Variants in PCDHA9 observed in about 807,000 individuals in gnomAD.
PCDHA9 encodes the protein protocadherin alpha-9.
PCDHA9 carries 62 observed loss-of-function variants against 62.0 expected under a neutral mutation model. The observed-to-expected ratio is 1.00, with a 90% CI of 0.81 to 1.23. PCDHA9 has a LOEUF of 1.23. Ranked by LOEUF, PCDHA9 falls within the 50% of genes most tolerant of loss-of-function variation. The pLI is 0.00. For synonymous variants in PCDHA9, 557 were observed against 567.6 expected, an observed-to-expected ratio of 0.98 and a Z score of 0.27; for missense variants, 1,205 against 1,249.8, an observed-to-expected ratio of 0.96 and a Z score of 0.54.
At chr5:140,857,011 T>G in intron 1 of PCDHA9, 1 of 1,596,152 alleles carries the variant, frequency 6.3e-7, no homozygotes, top group Non-Finnish European at 8.6e-7. Flanking sequence ...ATGTAGATGT[T>G]ACAGATAAGG....
At chr5:140,966,740 C>G in intron 1 of PCDHA9, 1 of 1,422,696 alleles carries the variant, frequency 7.0e-7, no homozygotes, top group Non-Finnish European at 9.1e-7. Flanking sequence ...CGGCCCTGCC[C>G]GGCTGCCTCC....
At chr5:140,979,051 G>T (rs1554240209) in intron 2 of PCDHA9, 44 bp downstream of exon 2, 1 of 1,609,534 alleles carries the variant, frequency 6.2e-7, no homozygotes, top group South Asian at 1.1e-5. Flanking sequence ...ACCTTAACTT[G>T]GTATGGCTCA....
rs2150468826 is a variant in PCDHA9, at chr5:140,850,123, C to G, written c.1628C>G (p.Pro543Arg). ...GTGAGCGCGCGCGACGCGGGCGTGCCGCCTCTGGGCAGCAACGTGACGCTG... is the reference window on the plus strand; with the variant it reads ...GTGAGCGCGCGCGACGCGGGCGTGCGGCCTCTGGGCAGCAACGTGACGCTG... ...FQVSARDAGV[P>R]PLGSNVTLQV... The change falls in exon 1 of 4, where the codon CCG (proline) becomes CGG (arginine). Residue 543 changes from proline (P) to arginine (R), a missense_variant. By Grantham distance (103) the Pro-to-Arg change is moderately radical. Coordinates refer to ENST00000532602, the MANE Select transcript of PCDHA9 (RefSeq NM_031857.2). The G allele has an allele frequency of 1.3e-5, 21 of 1,595,804 alleles. 4 individuals carry two copies. The highest frequency in any genetic ancestry group is 2.7e-5 in the African/African-American group (2 of 74,358).
At chr5:140,907,975 G>A (rs1242073777) in intron 1 of PCDHA9, among the ~76,000 whole-genome samples, 1 of 152,154 alleles carries the variant, frequency 6.6e-6, no homozygotes, top group Non-Finnish European at 1.5e-5. Flanking sequence ...TTCCAATCAT[G>A]CTTCTTCCAA....
intron 1 of PCDHA9, among the ~76,000 whole-genome samples, chr5:140,873,901 T>A (rs2153302941): frequency 6.6e-6 from 1 of 152,352 alleles, no homozygotes; most frequent in South Asian, 2.1e-4. Context: ...CCTCAGGTGA[T>A]CTGCCTGCCT....
At chr5:140,942,539 TG>T (rs1370746759) in intron 1 of PCDHA9, among the ~76,000 whole-genome samples, 2 of 151,338 alleles carry the variant, frequency 1.3e-5, no homozygotes, top group Admixed American at 6.6e-5. Flanking sequence ...CTCAGTATGG[TG>T]GGGGGTAGGG....
chr5:140,972,130 TTAC>T (rs1424151392), intron 1 of PCDHA9, among the ~76,000 whole-genome samples: 1 of 152,022 alleles, frequency 6.6e-6, no homozygotes, highest in Non-Finnish European at 1.5e-5. Flanking sequence ...TATCAGTGAG[TTAC>T]TACTATTTTT....
At chr5:140,979,690 A>G (rs2096860224) in intron 2 of PCDHA9, among the ~76,000 whole-genome samples, 1 of 152,252 alleles carries the variant, frequency 6.6e-6, no homozygotes, top group Non-Finnish European at 1.5e-5. Context: ...ATTAACTACC[A>G]TTATTTCTGG....
intron 1 of PCDHA9, among the ~76,000 whole-genome samples, chr5:140,938,125 A>T (rs1339364898): frequency 6.6e-6 from 1 of 152,120 alleles, no homozygotes; most frequent in Non-Finnish European, 1.5e-5. Context: ...TTTTTTAAAA[A>T]AATAGAGATA....
chr5:140,871,534 T>G, intron 1 of PCDHA9: 1 of 1,514,416 alleles, frequency 6.6e-7, no homozygotes, highest in Non-Finnish European at 8.9e-7. Context: ...GAAGTGTATG[T>G]GAAATTATTT....
chr5:140,856,185 G>C, intron 1 of PCDHA9: 1 of 1,598,160 alleles, frequency 6.3e-7, no homozygotes. Context: ...TTCGTGGGCC[G>C]CATCGCGCAG....
intron 1 of PCDHA9, chr5:140,857,783 C>G: frequency 1.3e-6 from 2 of 1,597,710 alleles, no homozygotes; most frequent in Middle Eastern, 1.7e-4. Flanking sequence ...AGTCAGTGAG[C>G]TGGTGCTGCG....
chr5:140,982,827 T>G (rs2097010165), intron 3 of PCDHA9, among the ~76,000 whole-genome samples: 1 of 140,992 alleles, frequency 7.1e-6, no homozygotes, highest in Non-Finnish European at 1.6e-5. Flanking sequence ...TTTTTGGGGT[T>G]TGTTTGTTTG....
chr5:140,922,790 C>G (rs1174493923), intron 1 of PCDHA9, among the ~76,000 whole-genome samples: 3 of 152,074 alleles, frequency 2.0e-5, no homozygotes, highest in African/African-American at 7.2e-5. Flanking sequence ...AAAACTGTAG[C>G]TTTGGAATAC....
At chr5:140,859,755 T>C (rs1554152701) in intron 1 of PCDHA9, 1 of 153,726 alleles carries the variant, frequency 6.5e-6, no homozygotes, top group African/African-American at 2.4e-5. Flanking sequence ...TCTTTCAGTG[T>C]TAATACTCTC....
intron 1 of PCDHA9, among the ~76,000 whole-genome samples, chr5:140,879,471 T>C (rs1320951448): frequency 1.3e-5 from 2 of 152,154 alleles, no homozygotes; most frequent in Non-Finnish European, 2.9e-5. Context: ...AGAATACCGT[T>C]GTGATTGGAA....
Position 140,900,863 on chromosome 5 carries a change from G to A in PCDHA9, c.2394+49974G>A, listed in dbSNP as rs116648446. 4.1e-3 allele frequency among the ~76,000 whole-genome samples: 626 copies of A among 152,044 alleles called. 2 individuals are homozygous for A. Among genetic ancestry groups the A allele is most frequent in the African/African-American group, 0.014 (595 of 41,452 alleles). Reference sequence around the variant, plus strand: ...AGTTTCCCTTTTTTTCACCTCTCCAGCATTTTTTATTGCCTGTCATTTGGA... The same window carrying A: ...AGTTTCCCTTTTTTTCACCTCTCCAACATTTTTTATTGCCTGTCATTTGGA... On this transcript the variant is annotated intron_variant, in intron 1 of 3. Transcript: ENST00000532602.
intron 1 of PCDHA9, chr5:140,868,190 A>G (rs1315604501): frequency 7.2e-5 from 11 of 152,160 alleles, no homozygotes; most frequent in African/African-American, 1.2e-4. Context: ...TTATGCTACT[A>G]TGGCTTACAT....
intron 1 of PCDHA9, among the ~76,000 whole-genome samples, chr5:140,964,252 T>C (rs569615423): frequency 4.6e-5 from 7 of 152,332 alleles, no homozygotes; most frequent in African/African-American, 1.7e-4. Context: ...GGCTTTATAT[T>C]TGACTCCTTA....
Sources: gnomAD v4.1 joint callset for allele counts (sites outside exome capture counted in the v4.1 genomes callset) on GRCh38, gnomAD v4.1.1 for gene constraint, MANE v1.5 for transcripts, NCBI Gene and HGNC (gene_info 2026-07-23, HGNC 2026-07-21) for gene names.